USP36: variants seen among roughly 807,000 people sequenced by gnomAD.
USP36 encodes the protein ubiquitin specific peptidase 36.
In USP36, 59 loss-of-function variants were observed where a neutral mutation model predicts 111.5. The observed-to-expected ratio is 0.53, with a 90% CI of 0.43 to 0.66. The LOEUF (loss-of-function observed/expected upper bound fraction) is 0.66, where lower values mean the gene tolerates loss of function less well. Ranked by LOEUF, USP36 falls within the 30% of genes least tolerant of loss-of-function variation. The pLI, the probability that USP36 is intolerant of heterozygous loss-of-function variation, is 0.00. For missense variants in USP36, 1,488 were observed against 1,468.0 expected, an observed-to-expected ratio of 1.01 and a Z score of -0.22; for synonymous variants, 628 against 581.0, an observed-to-expected ratio of 1.08 and a Z score of -1.16.
intron 14 of USP36, 30 bp from the exon 15 acceptor site, chr17:78,806,316 G>A: frequency 1.2e-6 from 2 of 1,612,632 alleles, no homozygotes; most frequent in Non-Finnish European, 1.7e-6. Flanking sequence ...TAAAAACTTG[G>A]TGGTCTAAAA....
At chr17:78,827,204 G>T in intron 6 of USP36, 41 bp downstream of exon 6, 1 of 1,565,120 alleles carries the variant, frequency 6.4e-7, no homozygotes. Flanking sequence ...ATGTAGAAAA[G>T]GTGTCCAAAG....
In USP36 at chr17:78,820,024, A is replaced by C; in HGVS notation, c.829-12T>G. 3.1e-6 allele frequency: 5 copies of C among 1,613,608 alleles called. No homozygotes were observed. Among genetic ancestry groups the C allele is most frequent in the Non-Finnish European group, 4.2e-6 (5 of 1,179,648 alleles). ...ATATTCGCAGCTTGCTGAGGAGGAC[A>C]AAAACAGGGAGTAAAATACACAGCA... On this transcript the variant is annotated splice_polypyrimidine_tract_variant and intron_variant, in intron 8 of 20. Transcript: ENST00000449938.
In USP36 at chr17:78,814,448, G is replaced by T; in HGVS notation, c.1128C>A (p.Tyr376Ter). The change falls in exon 11 of 21, where the codon TAC becomes TAA. Residue 376 changes from tyrosine to a stop codon, truncating the protein, a stop_gained. Transcript: ENST00000449938. LOFTEE classifies it high-confidence loss of function. ...GLYAVLVHSG[Y>*]SCHAGHYYCY... ...AGTAATAGTGCCCGGCATGGCAGCT[G>T]TAGCCCGAGTGCACCAGGACAGCAT... is the stretch of plus-strand genomic sequence containing the variant. 1 of 1,614,188 alleles carries T rather than the reference G, an allele frequency of 6.2e-7. No homozygotes were observed. Among genetic ancestry groups the T allele is most frequent in the Non-Finnish European group, 8.5e-7 (1 of 1,180,030 alleles).
At position 78,798,852 on chromosome 17, in the gene USP36, A is replaced by G. The variant is rs773076856; in HGVS notation, c.3240+56T>C. The G allele has an allele frequency of 6.1e-5, 97 of 1,594,668 alleles. No homozygotes were observed. The highest frequency in any genetic ancestry group is 3.3e-4 in the Middle Eastern group (2 of 6,040). On this transcript the variant is annotated intron_variant, in intron 19 of 20. Transcript: ENST00000449938. This position sits in a 1 kb window ranked among gnomAD's most constrained non-coding sequence, Gnocchi z 5.1. ...GCCACCTCCAACTGCCCCGGCTCTG[A>G]GCTGAGCCACGCCGCCCTGCTCCCT...
intron 14 of USP36, among the ~76,000 whole-genome samples, chr17:78,806,552 C>T (rs1310459624): frequency 6.6e-6 from 1 of 152,204 alleles, no homozygotes; most frequent in African/African-American, 2.4e-5. Context: ...CGTGCCGTGG[C>T]TGCCCAAGCT....
At chr17:78,834,082 A>G (rs2068411383) in intron 4 of USP36, among the ~76,000 whole-genome samples, 1 of 152,164 alleles carries the variant, frequency 6.6e-6, no homozygotes, top group East Asian at 1.9e-4. Flanking sequence ...CCCCATCTCT[A>G]CTAAAAATAC....
intron 9 of USP36, chr17:78,819,004 A>C (rs1203308701): frequency 2.2e-6 from 1 of 453,120 alleles, no homozygotes; most frequent in Non-Finnish European, 4.0e-6. Flanking sequence ...ATTCTAAAGC[A>C]AAAAAATAAA....
intron 10 of USP36, among the ~76,000 whole-genome samples, chr17:78,817,924 C>T (rs2094225749): frequency 6.6e-6 from 1 of 151,850 alleles, no homozygotes; most frequent in South Asian, 2.1e-4. Flanking sequence ...CTACAAAAAA[C>T]TTTTTAAAAA....
At chr17:78,820,626 T>C (rs1324869627) in intron 8 of USP36, among the ~76,000 whole-genome samples, 1 of 152,152 alleles carries the variant, frequency 6.6e-6, no homozygotes, top group Non-Finnish European at 1.5e-5. Context: ...TGCAGCAGGA[T>C]GTGCGACAAA....
Position 78,807,635 on chromosome 17 carries a change from C to T in USP36, c.1409G>A (p.Arg470Gln), listed in dbSNP as rs139147825. ...GIISSPLTGK[R>Q]QDSGTMKKPH... Reference sequence around the variant, plus strand: ...CTTCTTCATCGTCCCAGAGTCTTGTCGCTAAGGAGACCAAAGCAGAAAACA... The same window carrying T: ...CTTCTTCATCGTCCCAGAGTCTTGTTGCTAAGGAGACCAAAGCAGAAAACA... The change falls in exon 14 of 21, where the codon CGA becomes CAA. Residue 470 changes from arginine to glutamine, a missense_variant and splice_region_variant. This residue lies in a region of USP36 where 1,073 missense variants were observed against 994.1 expected (regional missense o/e 1.08). Coordinates refer to ENST00000449938, the MANE Select transcript of USP36 (RefSeq NM_001385174.1). 4.3e-4 allele frequency: 654 copies of T among 1,519,522 alleles called. No individual in the cohort carries two copies. The highest frequency in any genetic ancestry group is 5.2e-4 in the Non-Finnish European group (593 of 1,134,290). The allele number at this position is 1,519,522 out of a possible 1,614,324, so 94.1% of individuals were successfully genotyped here.
Position 78,798,232 on chromosome 17 carries a change from G to T in USP36, c.*20+168C>A. 1 of 822,960 alleles carries T rather than the reference G, an allele frequency of 1.2e-6. No homozygotes were observed. The allele number at this position is 822,960 out of a possible 1,614,324, so 51.0% of individuals were successfully genotyped here. A position where few individuals can be genotyped will look rare whatever the true frequency, so the allele number is the denominator to read the frequency against. ...CACACACCCTTCTCCAAGTGACTAGGACACACACCACAGACGCGCCCACAC... is the reference window on the plus strand; with the variant it reads ...CACACACCCTTCTCCAAGTGACTAGTACACACACCACAGACGCGCCCACAC... On this transcript the variant is annotated intron_variant, in intron 20 of 20. Transcript: ENST00000449938. This position sits in a 1 kb window ranked among gnomAD's most constrained non-coding sequence, Gnocchi z 5.1.
chr17:78,827,222 A>AGGGGGGGGGGGG, intron 6 of USP36, 23 bp downstream of exon 6: 1 of 712,430 alleles, frequency 1.4e-6, no homozygotes, highest in Non-Finnish European at 1.7e-6. Context: ...AAGCCCTGGG[A>AGGGGGGGGGGGG]GGGTGGGTGG....
Position 78,836,293 on chromosome 17 carries a change from A to T in USP36, c.71T>A (p.Leu24Gln). Reference sequence around the variant, plus strand: ...GGCAGAGGAGGCAAGAAGCTTCCCCAGTTCTCCATCATCAGCCGAGTCCTT... The same window carrying T: ...GGCAGAGGAGGCAAGAAGCTTCCCCTGTTCTCCATCATCAGCCGAGTCCTT... The part of the protein sequence containing the change: ...GRKDSADDGE[L>Q]GKLLASSAKK... Residue 24 changes from leucine (L) to glutamine (Q), a missense_variant, in exon 3 of 21, where the codon CTG (leucine) becomes CAG (glutamine). Leu to Gln is a moderately radical substitution (Grantham distance 113). This residue lies in a region of USP36 where 219 missense variants were observed against 209.5 expected (regional missense o/e 1.05). Transcript: ENST00000449938. 6.2e-7 allele frequency: 1 copy of T among 1,614,156 alleles called. No homozygotes were observed. Among genetic ancestry groups the T allele is most frequent in the Non-Finnish European group, 8.5e-7 (1 of 1,180,016 alleles).
intron 4 of USP36, among the ~76,000 whole-genome samples, chr17:78,831,148 C>T (rs1323215397): frequency 7.2e-6 from 1 of 137,956 alleles, no homozygotes; most frequent in Non-Finnish European, 1.5e-5. Flanking sequence ...ATCGCTTGAA[C>T]CTGGGAGGCG....
At chr17:78,839,963 C>T (rs1319486465) in intron 1 of USP36, among the ~76,000 whole-genome samples, 1 of 152,218 alleles carries the variant, frequency 6.6e-6, no homozygotes, top group Non-Finnish European at 1.5e-5. Context: ...AGTCACTTTT[C>T]CAGGATGAAC....
At chr17:78,820,373 A>G (rs369124500) in intron 8 of USP36, among the ~76,000 whole-genome samples, 96 of 152,266 alleles carry the variant, frequency 6.3e-4, no homozygotes, top group African/African-American at 2.0e-3. Flanking sequence ...GCTGTGTGGG[A>G]GGATCACTTA....
Position 78,799,699 on chromosome 17 carries a change from T to C in USP36, c.3092A>G (p.Lys1031Arg). Reference protein sequence around the residue: ...RESDVVQELLKYSSDKAYGRK... With the variant: ...RESDVVQELLRYSSDKAYGRK... ...CCCGTAAGCTTTATCAGATGAGTAT[T>C]TGAGCAGTTCCTGGACCACATCAGA... Residue 1031 changes from lysine (K) to arginine (R), a missense_variant, in exon 18 of 21, where the codon AAA becomes AGA. Lys to Arg is a conservative substitution (Grantham distance 26). Transcript: ENST00000449938. 1.2e-6 allele frequency: 2 copies of C among 1,613,234 alleles called. No individual in the cohort carries two copies. The highest frequency in any genetic ancestry group is 1.7e-6 in the Non-Finnish European group (2 of 1,179,724).
chr17:78,807,759 A>G (rs1387325068), intron 13 of USP36, 123 bp from the exon 14 acceptor site: 2 of 991,926 alleles, frequency 2.0e-6, no homozygotes, highest in Non-Finnish European at 2.8e-6. Context: ...GCTCAAGATA[A>G]ATTATTTATC....
chr17:78,799,938 G>GTCTCAAAC (rs1433631770), intron 17 of USP36, among the ~76,000 whole-genome samples, 170 bp from the exon 18 acceptor site: 4 of 120,614 alleles, frequency 3.3e-5, no homozygotes, highest in African/African-American at 1.2e-4. Flanking sequence ...TCCTAGGTTG[G>GTCTCAAAC]TCTCAAACTC....
Sources: gnomAD v4.1 joint callset for allele counts (sites outside exome capture counted in the v4.1 genomes callset) on GRCh38, gnomAD v4.1.1 for gene constraint, gnomAD v4.1.1 regional missense constraint, Gnocchi (gnomAD v3.1) non-coding constraint, MANE v1.5 for transcripts, NCBI Gene and HGNC (gene_info 2026-07-23, HGNC 2026-07-21) for gene names.